The following FABP6 variants were observed in gnomAD, a reference collection of about 807,000 sequenced individuals.
The protein encoded by FABP6 is fatty acid binding protein 6, also known as gastrotropin.
In FABP6, 13 loss-of-function variants were observed where a neutral mutation model predicts 14.9. That is an observed-to-expected ratio of 0.87 (90% CI 0.57 to 1.39). The LOEUF is 1.39. Among genes scored for constraint, FABP6 ranks in the 40% most tolerant of loss-of-function variants. The pLI is 0.00. For missense variants in FABP6, 161 were observed against 167.2 expected (o/e 0.96, Z 0.20); for synonymous variants, 75 against 63.6 (o/e 1.18, Z -0.85).
chr5:160,193,915 G>A (rs540560063), intron 1 of FABP6, among the ~76,000 whole-genome samples: 11 of 152,368 alleles, frequency 7.2e-5, no homozygotes, highest in African/African-American at 2.4e-4. Context: ...GCCCTTGGGC[G>A]GTCGATGGGA....
Position 160,232,222 on chromosome 5 carries a change from C to T in FABP6, c.192C>T (p.Phe64=), listed in dbSNP as rs1424019758. 1 of 1,612,892 alleles carries T rather than the reference C, an allele frequency of 6.2e-7. No individual in the cohort carries two copies. The highest frequency in any genetic ancestry group is 8.5e-7 in the Non-Finnish European group (1 of 1,179,476). ...GGGGCCACACCATGACCAACAAGTT[C>T]ACTGTTGGCAAGGAAAGCAACATAC... ...YSGGHTMTNK[F]TVGKESNIQT... is the part of the protein sequence containing the mutation. Residue 64 remains phenylalanine, a synonymous_variant, in exon 2 of 4, where the codon TTC becomes TTT. Coordinates refer to ENST00000402432, the MANE Select transcript of FABP6 (RefSeq NM_001445.3).
chr5:160,209,513 C>A (rs772058479), intron 2 of FABP6, among the ~76,000 whole-genome samples: 2 of 152,002 alleles, frequency 1.3e-5, no homozygotes, highest in African/African-American at 4.8e-5. Context: ...CAAAGTGAGA[C>A]CCTGTCTCAA....
At chr5:160,202,238 A>G (rs1346441304) in intron 2 of FABP6, among the ~76,000 whole-genome samples, 2 of 152,208 alleles carry the variant, frequency 1.3e-5, no homozygotes. Flanking sequence ...GAGAAGTGGC[A>G]TGGCAGCATA....
Position 160,224,188 on chromosome 5 carries a change from A to T in FABP6, c.136-5358A>T, listed in dbSNP as rs533760578. 4.6e-5 allele frequency among the ~76,000 whole-genome samples: 7 copies of T among 152,230 alleles called. No individual in the cohort carries two copies. In the East Asian group the frequency reaches 1.4e-3, roughly 29 times the overall value. ...GAGGTGAAGCTTGCAGTGAACTGAG[A>T]TAGCGCCACTGCACTCCGGCCTGGG... On this transcript the variant is annotated intron_variant, in intron 3 of 6. Coordinates refer to the FABP6 transcript ENST00000393980.
chr5:160,223,621 T>C (rs1418408563), intron 3 of FABP6, among the ~76,000 whole-genome samples: 1 of 151,060 alleles, frequency 6.6e-6, no homozygotes, highest in Non-Finnish European at 1.5e-5. Context: ...TGATTTTTTG[T>C]CTCACTATAT....
chr5:160,187,898 A>C (rs112730841), intron 1 of FABP6, among the ~76,000 whole-genome samples: 2 of 152,108 alleles, frequency 1.3e-5, no homozygotes, highest in African/African-American at 4.8e-5. Flanking sequence ...GATTACAGGC[A>C]TGCACCACCA....
At chr5:160,214,958 A>G (rs980578081) in intron 3 of FABP6, among the ~76,000 whole-genome samples, 1 of 152,160 alleles carries the variant, frequency 6.6e-6, no homozygotes, top group African/African-American at 2.4e-5. Flanking sequence ...GTCCCTGGTC[A>G]CCATCTCAGA....
At chr5:160,204,153 A>C (rs1257216450) in intron 2 of FABP6, among the ~76,000 whole-genome samples, 1 of 151,390 alleles carries the variant, frequency 6.6e-6, no homozygotes, top group Admixed American at 6.6e-5. Context: ...AAAAAAAAAA[A>C]AAAATACCCA....
chr5:160,203,792 T>G (rs189976583), intron 2 of FABP6, among the ~76,000 whole-genome samples: 49 of 151,954 alleles, frequency 3.2e-4, no homozygotes, highest in African/African-American at 1.1e-3. Context: ...ATCTCCGCCT[T>G]CCGGGTTCAA....
At chr5:160,235,335 C>T (rs578029993) in intron 3 of FABP6, among the ~76,000 whole-genome samples, 55 of 152,252 alleles carry the variant, frequency 3.6e-4, no homozygotes, top group South Asian at 1.2e-3. Flanking sequence ...ACATCAGGCC[C>T]CTTCTACCAG....
intron 3 of FABP6, among the ~76,000 whole-genome samples, chr5:160,215,863 C>T (rs1760002795): frequency 6.6e-6 from 1 of 152,110 alleles, no homozygotes. Context: ...CAGTGAGTAT[C>T]CCAAAGCCCT....
chr5:160,213,838 G>A (rs762570833), intron 3 of FABP6: 2 of 1,603,134 alleles, frequency 1.2e-6, no homozygotes, highest in South Asian at 1.1e-5. Flanking sequence ...TAGAAGAAGG[G>A]AGGGAAGGGT....
intron 2 of FABP6, among the ~76,000 whole-genome samples, chr5:160,209,296 C>A (rs746378204): frequency 3.9e-5 from 6 of 152,012 alleles, no homozygotes; most frequent in Non-Finnish European, 8.8e-5. Context: ...GCAGGCAAAT[C>A]ACTTGAGCCC....
intron 2 of FABP6, among the ~76,000 whole-genome samples, chr5:160,211,272 C>T (rs1262118662): frequency 6.6e-6 from 1 of 152,058 alleles, no homozygotes. Context: ...CTCTGTGGGA[C>T]TGTCAGTTAA....
At chr5:160,191,304 A>T (rs912984010) in intron 1 of FABP6, among the ~76,000 whole-genome samples, 9 of 151,924 alleles carry the variant, frequency 5.9e-5, no homozygotes, top group Admixed American at 5.9e-4. Context: ...CGTCTTTACT[A>T]AAAATACAAA....
intron 1 of FABP6, among the ~76,000 whole-genome samples, chr5:160,188,800 G>A (rs1405356286): frequency 6.6e-6 from 1 of 152,152 alleles, no homozygotes. Context: ...GGCCCCTCCC[G>A]GTTGGAGCGG....
intron 3 of FABP6, chr5:160,213,871 G>C: frequency 6.8e-7 from 1 of 1,463,836 alleles, no homozygotes; most frequent in Admixed American, 1.7e-5. Context: ...TCAGATTCTG[G>C]TTCTAGTTCC....
At chr5:160,216,626 A>T (rs1027045373) in intron 3 of FABP6, among the ~76,000 whole-genome samples, 2 of 152,166 alleles carry the variant, frequency 1.3e-5, no homozygotes, top group Admixed American at 1.3e-4. Context: ...AGCCAGCAGG[A>T]TGCATGGTGG....
chr5:160,212,074 G>A (rs1351441876), intron 2 of FABP6, among the ~76,000 whole-genome samples: 3 of 144,404 alleles, frequency 2.1e-5, no homozygotes, highest in Non-Finnish European at 4.5e-5. Flanking sequence ...TGTAACCTCC[G>A]CCTCCTGGGT....
Sources: gnomAD v4.1 joint callset for allele counts (sites outside exome capture counted in the v4.1 genomes callset) on GRCh38, gnomAD v4.1.1 for gene constraint, MANE v1.5 for transcripts, NCBI Gene and HGNC (gene_info 2026-07-23, HGNC 2026-07-21) for gene names.